GRIK1: variants seen among roughly 807,000 people sequenced by gnomAD.
GRIK1 encodes the protein glutamate ionotropic receptor kainate type subunit 1.
GRIK1 carries 69 observed loss-of-function variants against 105.7 expected under a neutral mutation model. The ratio of observed to expected loss-of-function variants is 0.65; its 90% confidence interval spans 0.54 to 0.80. The LOEUF (loss-of-function observed/expected upper bound fraction) is 0.80. GRIK1 is among the 30% of genes least tolerant of loss of function. The probability of loss-of-function intolerance (pLI) is 0.00; values close to 1 mark genes in which losing one functional copy is unlikely to be tolerated. For synonymous variants in GRIK1, 438 were observed against 431.3 expected (o/e 1.02, Z -0.19); for missense variants, 1,109 against 1,167.3 (o/e 0.95, Z 0.73).
At chr21:29,551,988 T>A (rs983929625) in intron 16 of GRIK1, among the ~76,000 whole-genome samples, 1 of 152,128 alleles carries the variant, frequency 6.6e-6, no homozygotes, top group Admixed American at 6.5e-5. Flanking sequence ...TTAGTGTAAT[T>A]TATGATATTT....
intron 1 of GRIK1, among the ~76,000 whole-genome samples, chr21:29,725,218 G>A (rs951067820): frequency 2.0e-5 from 3 of 152,152 alleles, no homozygotes; most frequent in Admixed American, 1.3e-4. Flanking sequence ...AAATATAAAT[G>A]CCGTGAGAAA....
chr21:29,608,324 A>G (rs115353566), intron 7 of GRIK1, among the ~76,000 whole-genome samples: 3 of 152,166 alleles, frequency 2.0e-5, no homozygotes, highest in Non-Finnish European at 4.4e-5. Flanking sequence ...AGTATAGTGA[A>G]TGGCAAAGCA....
chr21:29,537,256 T>G lies in GRIK1; in HGVS notation c.2824A>C (p.Thr942Pro). Residue 942 changes from threonine to proline, a missense_variant, in exon 18 of 18, where the codon ACT (threonine) becomes CCT (proline). By Grantham distance (38) the Thr-to-Pro change is conservative. Transcript: ENST00000327783. ...CACGCCACAGTCTCTTTTCTCTGAG[T>G]TCGTCTCTGATGACAAGTAAGGATA... ...TSILTCHQRR[T>P]QRKETVA 1 of 1,609,268 alleles carries G rather than the reference T, an allele frequency of 6.2e-7. No homozygotes were observed. Among genetic ancestry groups the G allele is most frequent in the East Asian group, 2.2e-5 (1 of 44,734 alleles).
chr21:29,774,048 C>T (rs111354336), intron 1 of GRIK1, among the ~76,000 whole-genome samples: 54 of 152,272 alleles, frequency 3.5e-4, no homozygotes, highest in African/African-American at 1.3e-3. Flanking sequence ...TTCTGCTACT[C>T]GGTGGATTTA....
chr21:29,696,194 G>A (rs1434787798), intron 1 of GRIK1, among the ~76,000 whole-genome samples: 1 of 152,196 alleles, frequency 6.6e-6, no homozygotes, highest in Non-Finnish European at 1.5e-5. Flanking sequence ...TTTGTAGACT[G>A]ATAATATGGG....
intron 1 of GRIK1, among the ~76,000 whole-genome samples, chr21:29,841,275 ATGCTT>A (rs1410534070): frequency 6.6e-6 from 1 of 152,168 alleles, no homozygotes; most frequent in Non-Finnish European, 1.5e-5. Context: ...AAGCAACTGA[ATGCTT>A]CTAAATTTGT....
Position 29,597,672 on chromosome 21 carries a change from A to C in GRIK1, c.1207-1102T>G, listed in dbSNP as rs184207234. 444 of 467,372 alleles carry C rather than the reference A, an allele frequency of 9.5e-4. 2 individuals are homozygous for C. The highest frequency in any genetic ancestry group is 1.5e-3 in the Admixed American group (64 of 42,222). The allele number at this position is 467,372 out of a possible 1,614,324, so 29.0% of individuals were successfully genotyped here. A position where few individuals can be genotyped will look rare whatever the true frequency, so the allele number is the denominator to read the frequency against. On this transcript the variant is annotated intron_variant, in intron 8 of 17. Coordinates refer to ENST00000327783, the MANE Select transcript of GRIK1 (RefSeq NM_001330994.2). Reference sequence around the variant, plus strand: ...CAAATCAGAGTGAAGAGGAAGCCAGAAGATGGGAGAGACATTTTTGAAGTG... The same window carrying C: ...CAAATCAGAGTGAAGAGGAAGCCAGCAGATGGGAGAGACATTTTTGAAGTG...
chr21:29,815,140 CT>C (rs61117330), intron 1 of GRIK1, among the ~76,000 whole-genome samples: 14,463 of 152,138 alleles, frequency 0.095, 739 homozygotes, highest in East Asian at 0.13. Flanking sequence ...AGTCAATGCA[CT>C]TTTTTGCTTC....
intron 1 of GRIK1, among the ~76,000 whole-genome samples, chr21:29,771,731 T>TC (rs2065818490): frequency 6.6e-6 from 1 of 152,172 alleles, no homozygotes; most frequent in Non-Finnish European, 1.5e-5. Flanking sequence ...TTGTTGAGAA[T>TC]CAGAAGTTGA....
At chr21:29,630,432 T>C (rs1392711325) in intron 7 of GRIK1, 2 of 451,402 alleles carry the variant, frequency 4.4e-6, no homozygotes, top group African/African-American at 4.1e-5. Flanking sequence ...TGACTTTGAC[T>C]TAATAAAAAG....
At chr21:29,588,004 T>A (rs2091170610) in intron 11 of GRIK1, among the ~76,000 whole-genome samples, 2 of 123,948 alleles carry the variant, frequency 1.6e-5, no homozygotes, top group South Asian at 3.0e-4. Context: ...AGGCGGAGTC[T>A]CACTCTGTCG....
At chr21:29,588,217 G>A (rs2061275601) in intron 11 of GRIK1, among the ~76,000 whole-genome samples, 1 of 151,752 alleles carries the variant, frequency 6.6e-6, no homozygotes, top group Admixed American at 6.6e-5. Context: ...CTTGTGATCC[G>A]CCTGCCTCAG....
chr21:29,817,068 G>A (rs544800500), intron 1 of GRIK1, among the ~76,000 whole-genome samples: 18 of 152,048 alleles, frequency 1.2e-4, no homozygotes, highest in South Asian at 4.1e-4. Context: ...CACTTATTAC[G>A]TATCAATAAA....
At chr21:29,828,933 C>A (rs2067551059) in intron 1 of GRIK1, among the ~76,000 whole-genome samples, 1 of 152,094 alleles carries the variant, frequency 6.6e-6, no homozygotes. Flanking sequence ...CAAACCAAAC[C>A]AGTTTTACTC....
Position 29,537,264 on chromosome 21 carries a change from T to G in GRIK1, c.2816A>C (p.Gln939Pro). Residue 939 changes from glutamine to proline, a missense_variant, in exon 18 of 18, where the codon CAG (glutamine) becomes CCG (proline). Gln to Pro is a moderately conservative substitution (Grantham distance 76, BLOSUM62 -1). Around this residue, in one of 5 missense-constraint regions of GRIK1, gnomAD observed 161 missense variants for 143.4 expected, o/e 1.12. Transcript: ENST00000327783. ...AGTCTCTTTTCTCTGAGTTCGTCTC[T>G]GATGACAAGTAAGGATACTTGTGAA... ...SSFTSILTCH[Q>P]RRTQRKETVA is the part of the protein sequence containing the mutation. 1 of 1,610,888 alleles carries G rather than the reference T, an allele frequency of 6.2e-7. No homozygotes were observed. The highest frequency in any genetic ancestry group is 8.5e-7 in the Non-Finnish European group (1 of 1,178,528).
chr21:29,787,403 C>T (rs1462991920), intron 1 of GRIK1, among the ~76,000 whole-genome samples: 1 of 152,118 alleles, frequency 6.6e-6, no homozygotes, highest in African/African-American at 2.4e-5. Context: ...TTCAAAGGAT[C>T]CAGGCACCAC....
chr21:29,773,754 G>C (rs2300321), intron 1 of GRIK1, among the ~76,000 whole-genome samples: 1 of 152,152 alleles, frequency 6.6e-6, no homozygotes, highest in Non-Finnish European at 1.5e-5. Flanking sequence ...CAGGGCAAAG[G>C]GATGAGGGGG....
chr21:29,673,645 G>A (rs1201543895), intron 3 of GRIK1, among the ~76,000 whole-genome samples: 3 of 152,004 alleles, frequency 2.0e-5, no homozygotes, highest in Non-Finnish European at 2.9e-5. Context: ...AATTAATTGG[G>A]TTGCTTTATA....
chr21:29,830,393 A>G (rs1413487983), intron 1 of GRIK1, among the ~76,000 whole-genome samples: 1 of 151,928 alleles, frequency 6.6e-6, no homozygotes. Flanking sequence ...AAAACAAAGG[A>G]GCAGAAATAA....
Sources: gnomAD v4.1 joint callset for allele counts (sites outside exome capture counted in the v4.1 genomes callset) on GRCh38, gnomAD v4.1.1 for gene constraint, gnomAD v4.1.1 regional missense constraint, MANE v1.5 for transcripts, NCBI Gene and HGNC (gene_info 2026-07-23, HGNC 2026-07-21) for gene names.